The following PTPRN2 variants were observed in gnomAD, a reference collection of about 807,000 sequenced individuals.
PTPRN2 encodes receptor-type tyrosine-protein phosphatase N2.
Under a neutral mutation model 118.8 loss-of-function variants are expected in PTPRN2, and 74 were observed. The ratio of observed to expected loss-of-function variants is 0.62; its 90% CI spans 0.52 to 0.76. PTPRN2 has a LOEUF of 0.76. Among genes scored for constraint, PTPRN2 ranks in the 30% least tolerant of loss-of-function variants. The pLI, the probability that PTPRN2 is intolerant of heterozygous loss-of-function variation, is 0.00. For synonymous variants in PTPRN2, 641 were observed against 608.0 expected (o/e 1.05, Z -0.80); for missense variants, 1,481 against 1,394.4 (o/e 1.06, Z -0.99).
At chr7:157,711,608 C>T (rs111592581) in intron 12 of PTPRN2, among the ~76,000 whole-genome samples, 6 of 152,276 alleles carry the variant, frequency 3.9e-5, no homozygotes, top group Non-Finnish European at 8.8e-5. Context: ...CCCGGCAGAC[C>T]TCCTGCTCTC....
chr7:158,128,412 A>AT (rs368601500), intron 9 of PTPRN2, among the ~76,000 whole-genome samples: 14 of 150,972 alleles, frequency 9.3e-5, no homozygotes, highest in East Asian at 7.8e-4. Flanking sequence ...TAACATGATG[A>AT]TTTTTTTTTT....
intron 2 of PTPRN2, among the ~76,000 whole-genome samples, chr7:158,487,988 ACTC>A (rs1821151640): frequency 6.6e-6 from 1 of 151,584 alleles, no homozygotes; most frequent in Non-Finnish European, 1.5e-5. Context: ...TGTTGAGACG[ACTC>A]TATGTCTGGG....
chr7:157,748,433 CCT>C (rs1801173219), intron 12 of PTPRN2, among the ~76,000 whole-genome samples: 1 of 148,644 alleles, frequency 6.7e-6, no homozygotes, highest in Non-Finnish European at 1.5e-5. Context: ...AATTCTGAGG[CCT>C]GTGTCCCTGA....
intron 22 of PTPRN2, among the ~76,000 whole-genome samples, chr7:157,545,250 C>T (rs890164596): frequency 7.1e-6 from 1 of 140,740 alleles, no homozygotes; most frequent in Admixed American, 7.1e-5. Flanking sequence ...TGTAGGTGTG[C>T]ACTGTGTGCA....
At chr7:157,924,588 C>T (rs1798866742) in intron 11 of PTPRN2, among the ~76,000 whole-genome samples, 1 of 152,238 alleles carries the variant, frequency 6.6e-6, no homozygotes, top group South Asian at 2.1e-4. Context: ...AGCTGGAAAA[C>T]AGGTCATGTG....
intron 1 of PTPRN2, among the ~76,000 whole-genome samples, chr7:158,539,026 C>T (rs757816677): frequency 3.9e-5 from 6 of 152,152 alleles, no homozygotes; most frequent in African/African-American, 9.7e-5. Context: ...CACCCCTCAG[C>T]GCTCTGGAGG....
intron 11 of PTPRN2, among the ~76,000 whole-genome samples, chr7:158,077,244 G>A (rs927692048): frequency 3.9e-5 from 6 of 152,130 alleles, no homozygotes; most frequent in African/African-American, 1.2e-4. Flanking sequence ...CGCTACATAT[G>A]AGACGTGAAA....
chr7:158,379,269 A>T (rs773324293), intron 2 of PTPRN2, among the ~76,000 whole-genome samples: 3 of 152,196 alleles, frequency 2.0e-5, no homozygotes, highest in Admixed American at 6.5e-5. Context: ...GGTTGGCAGG[A>T]GGACCGGGGT....
intron 3 of PTPRN2, among the ~76,000 whole-genome samples, chr7:158,227,094 G>A (rs1280204808): frequency 1.3e-5 from 2 of 152,248 alleles, no homozygotes; most frequent in South Asian, 2.1e-4. Flanking sequence ...ATCAGAGAGT[G>A]CACTGTGCGT....
At chr7:158,106,846 A>T (rs1211333519) in intron 10 of PTPRN2, among the ~76,000 whole-genome samples, 1 of 152,204 alleles carries the variant, frequency 6.6e-6, no homozygotes, top group African/African-American at 2.4e-5. Flanking sequence ...AGGAAAAGTC[A>T]CTTCCCCAGG....
At chr7:157,700,175 C>T (rs1797996393) in intron 12 of PTPRN2, among the ~76,000 whole-genome samples, 2 of 152,216 alleles carry the variant, frequency 1.3e-5, no homozygotes, top group Non-Finnish European at 2.9e-5. Flanking sequence ...CACACCTTAA[C>T]CTCATCACTC....
chr7:157,945,633 A>G (rs529152150), intron 11 of PTPRN2, among the ~76,000 whole-genome samples: 13 of 151,664 alleles, frequency 8.6e-5, no homozygotes, highest in Middle Eastern at 3.4e-3. Flanking sequence ...AGCTTGGACG[A>G]TGCCGCCTCC....
intron 1 of PTPRN2, among the ~76,000 whole-genome samples, chr7:158,584,134 A>C (rs902960560): frequency 2.6e-5 from 4 of 152,146 alleles, no homozygotes; most frequent in African/African-American, 9.7e-5. Context: ...ACTGGTTCTG[A>C]ATCTGGATTC....
chr7:157,632,084 CT>C lies in PTPRN2; in HGVS notation c.2197-10576del, dbSNP rs1803997241. Among the ~76,000 whole-genome samples the C allele has an allele frequency of 6.6e-6, 1 of 151,858 alleles. No homozygotes were observed. Among genetic ancestry groups the C allele is most frequent in the African/African-American group, 2.4e-5 (1 of 41,130 alleles). ...TGGCTCTATCTTGATTGAGTAGAAA[CT>C]TTAATTAGTGTATTTTTATTATAAT... On this transcript the variant is annotated intron_variant, in intron 14 of 22. Transcript: ENST00000389418. The surrounding 1 kb of genome is among the most constrained non-coding windows in gnomAD (Gnocchi z 4.3).
At chr7:158,450,200 C>T (rs1035260886) in intron 2 of PTPRN2, among the ~76,000 whole-genome samples, 7 of 152,268 alleles carry the variant, frequency 4.6e-5, no homozygotes, top group Admixed American at 2.6e-4. Flanking sequence ...CCTATCCCAT[C>T]GTGGGAGCCC....
chr7:158,113,237 C>T (rs890706266), intron 9 of PTPRN2, among the ~76,000 whole-genome samples: 1 of 152,098 alleles, frequency 6.6e-6, no homozygotes, highest in African/African-American at 2.4e-5. Flanking sequence ...GGGCTGACCT[C>T]ACAGGAGCTC....
intron 21 of PTPRN2, among the ~76,000 whole-genome samples, chr7:157,556,721 A>T (rs538696253): frequency 5.4e-5 from 8 of 148,526 alleles, no homozygotes; most frequent in Admixed American, 2.7e-4. Context: ...ATGTGTGCAC[A>T]TGCCCACACT....
At chr7:157,985,796 G>C (rs1381289909) in intron 11 of PTPRN2, among the ~76,000 whole-genome samples, 1 of 152,228 alleles carries the variant, frequency 6.6e-6, no homozygotes, top group African/African-American at 2.4e-5. Flanking sequence ...CAAATCCGGA[G>C]AGCAGGGAGA....
chr7:158,522,793 T>G (rs1824306733), intron 1 of PTPRN2, among the ~76,000 whole-genome samples: 1 of 152,152 alleles, frequency 6.6e-6, no homozygotes. Flanking sequence ...TTGGCTTTCC[T>G]TGTCTTGAGA....
Sources: gnomAD v4.1 joint callset for allele counts (sites outside exome capture counted in the v4.1 genomes callset) on GRCh38, gnomAD v4.1.1 for gene constraint, Gnocchi (gnomAD v3.1) non-coding constraint, MANE v1.5 for transcripts, NCBI Gene and HGNC (gene_info 2026-07-23, HGNC 2026-07-21) for gene names.